Variants in IGF2R observed in about 807,000 individuals in gnomAD.
The protein encoded by IGF2R is cation-independent mannose-6-phosphate receptor.
In IGF2R, 91 loss-of-function variants were observed where a neutral mutation model predicts 270.6. The observed-to-expected ratio is 0.34, with a 90% CI of 0.28 to 0.40. IGF2R has a LOEUF of 0.40. Ranked by LOEUF, IGF2R falls within the 10% of genes least tolerant of loss-of-function variation. The pLI is 1.00. For missense variants in IGF2R, 2,805 were observed against 3,188.3 expected (o/e 0.88, Z 2.90); for synonymous variants, 1,316 against 1,258.9 (o/e 1.05, Z -0.96).
rs1474311779 is a variant in IGF2R, at chr6:160,073,406, C to T, written c.4884C>T (p.Ser1628=). The change falls in exon 34 of 48, where the codon TCC becomes TCT. Residue 1628 remains serine, a synonymous_variant. Coordinates refer to ENST00000356956, the MANE Select transcript of IGF2R (RefSeq NM_000876.4). ...CAACCAATAGGCCCATGCTCATCTC[C>T]CTGGACAAGCAGACATGCACTCTCT... ...ARPTNRPMLI[S]LDKQTCTLFF... 4 of 1,614,254 alleles carry T rather than the reference C, an allele frequency of 2.5e-6. No individual in the cohort carries two copies. The highest frequency in any genetic ancestry group is 3.4e-6 in the Non-Finnish European group (4 of 1,180,038).
chr6:160,016,115 G>GC lies in IGF2R; in HGVS notation c.513+5331dup, dbSNP rs1475266231. On this transcript the variant is annotated intron_variant, in intron 4 of 47. Coordinates refer to ENST00000356956, the MANE Select transcript of IGF2R (RefSeq NM_000876.4). ...ATACAGACTGCTTGGGACTGGGCTG[G>GC]CTTTTTTGGCCTGCTGCCAGCGATG... Among the ~76,000 whole-genome samples, 3 of 152,198 alleles carry GC rather than the reference G, an allele frequency of 2.0e-5. No homozygotes were observed. In the East Asian group the frequency reaches 5.8e-4, roughly 29 times the overall value.
At chr6:160,103,354 A>G (rs1779534593) in intron 46 of IGF2R, among the ~76,000 whole-genome samples, 1 of 150,688 alleles carries the variant, frequency 6.6e-6, no homozygotes, top group South Asian at 2.1e-4. Context: ...GTGGCCCTCT[A>G]CACCCAAAAT....
At position 160,073,872 on chromosome 6, in the gene IGF2R, C is replaced by T; in HGVS notation, c.5063C>T (p.Pro1688Leu). 1 of 1,614,150 alleles carries T rather than the reference C, an allele frequency of 6.2e-7. No homozygotes were observed. The highest frequency in any genetic ancestry group is 8.5e-7 in the Non-Finnish European group (1 of 1,179,984). Residue 1688 changes from proline (P) to leucine (L), a missense_variant, in exon 35 of 48, where the codon CCT (proline) becomes CTT (leucine). Pro to Leu is a moderately conservative substitution (Grantham distance 98). Around this residue, in one of 2 missense-constraint regions of IGF2R, gnomAD observed 1,851 missense variants for 2,207.2 expected, o/e 0.84. Coordinates refer to ENST00000356956, the MANE Select transcript of IGF2R (RefSeq NM_000876.4). The stretch of plus-strand genomic sequence containing the variant: ...GAGGATGATGCCTCCGATACCAACC[C>T]TGATTTCTACATCAATATTTGTCAG... ...ESEDDASDTN[P>L]DFYINICQPL...
At chr6:160,072,129 C>T in intron 32 of IGF2R, 93 bp downstream of exon 32, 1 of 1,538,726 alleles carries the variant, frequency 6.5e-7, no homozygotes, top group African/African-American at 1.4e-5. Flanking sequence ...CAAAGAGAAG[C>T]TATGGGCAGC....
intron 3 of IGF2R, 168 bp from the exon 4 acceptor site, chr6:160,010,518 CA>C (rs1784317103): frequency 1.9e-6 from 1 of 515,000 alleles, no homozygotes; most frequent in Non-Finnish European, 3.5e-6. Flanking sequence ...TCAGAATTTG[CA>C]GATTTGGGAA....
intron 44 of IGF2R, chr6:160,093,854 A>G (rs1779287021): frequency 2.7e-6 from 2 of 729,172 alleles, no homozygotes; most frequent in Admixed American, 1.8e-5. Context: ...TATCTCAGAT[A>G]AGCAGCTGGG....
At chr6:160,032,735 C>T (rs775367512) in intron 8 of IGF2R, 22 bp downstream of exon 8, 2 of 1,610,924 alleles carry the variant, frequency 1.2e-6, no homozygotes, top group South Asian at 1.1e-5. Context: ...CTTTCTGCCT[C>T]CTGGCGCTGC....
In IGF2R at chr6:160,111,276, C is replaced by G. The variant is rs1437335562; in HGVS notation, c.*6192C>G. 1.3e-5 allele frequency: 2 copies of G among 151,922 alleles called. No homozygotes were observed. Among genetic ancestry groups the G allele is most frequent in the African/African-American group, 2.4e-5 (1 of 41,320 alleles). The allele number at this position is 151,922 out of a possible 1,614,324, so 9.4% of individuals were successfully genotyped here. On this transcript the variant is annotated 3_prime_UTR_variant, in exon 48 of 48. Transcript: ENST00000356956. ...TAAAAGTTACACCCGATGCGTCAGC[C>G]CCTTCTTCTACCTCTTCCACCTCTG...
intron 19 of IGF2R, 24 bp from the exon 20 acceptor site, chr6:160,056,400 T>C: frequency 2.0e-6 from 3 of 1,518,466 alleles, no homozygotes; most frequent in Non-Finnish European, 2.7e-6. Context: ...TGTATTGACT[T>C]TTACCCTGGA....
intron 6 of IGF2R, among the ~76,000 whole-genome samples, chr6:160,028,499 G>A (rs1777615071): frequency 6.6e-6 from 1 of 152,206 alleles, no homozygotes; most frequent in African/African-American, 2.4e-5. Flanking sequence ...TTTGTGTGAC[G>A]ATTTAGTAAC....
At position 160,024,717 on chromosome 6, in the gene IGF2R, G is replaced by A; in HGVS notation, c.646+13G>A. On this transcript the variant is annotated intron_variant, in intron 5 of 47. Transcript: ENST00000356956. ...TGTAGAGACATAGGTATGAATCTTT[G>A]TGGGGCTGAGGGGGTGGTGGTGAGG... 6.2e-7 allele frequency: 1 copy of A among 1,613,540 alleles called. No individual in the cohort carries two copies. Among genetic ancestry groups the A allele is most frequent in the Non-Finnish European group, 8.5e-7 (1 of 1,179,602 alleles).
intron 19 of IGF2R, 43 bp from the exon 20 acceptor site, chr6:160,056,381 C>T: frequency 7.6e-7 from 1 of 1,309,116 alleles, no homozygotes; most frequent in Non-Finnish European, 1.1e-6. Context: ...CTATCAAGTT[C>T]CATGTTACTG....
rs1778443769 is a variant in IGF2R, at chr6:160,061,746, C to T, written c.3407-7C>T. 2 of 1,614,128 alleles carry T rather than the reference C, an allele frequency of 1.2e-6. No homozygotes were observed. The highest frequency in any genetic ancestry group is 1.7e-6 in the Non-Finnish European group (2 of 1,180,006). ...TCATGCCCAAACCACTTATTCTGTTCTTCCAGGCAGCGCAGTGGGGTCTTG... is the reference window on the plus strand; with the variant it reads ...TCATGCCCAAACCACTTATTCTGTTTTTCCAGGCAGCGCAGTGGGGTCTTG... On this transcript the variant is annotated splice_polypyrimidine_tract_variant and splice_region_variant and intron_variant, in intron 24 of 47. Transcript: ENST00000356956.
rs150153833 is a variant in IGF2R at position 160,105,170 on chromosome 6, A to G, written c.*86A>G. The stretch of plus-strand genomic sequence containing the variant: ...AAGACTTCCACTCGATGATGCTTCT[A>G]TAATTTTGCCTTTAACAGAAACTTT... On this transcript the variant is annotated 3_prime_UTR_variant, in exon 48 of 48. Coordinates refer to ENST00000356956, the MANE Select transcript of IGF2R (RefSeq NM_000876.4). The G allele has an allele frequency of 1.5e-5, 19 of 1,245,222 alleles. No individual in the cohort carries two copies. The highest frequency in any genetic ancestry group is 3.2e-5 in the South Asian group (2 of 62,618). The allele number at this position is 1,245,222 out of a possible 1,614,324, so 77.1% of individuals were successfully genotyped here.
rs1783720422 is a variant in IGF2R at position 159,977,994 on chromosome 6, G to T, written c.149+8599G>T. On this transcript the variant is annotated intron_variant, in intron 1 of 47. Coordinates refer to ENST00000356956, the MANE Select transcript of IGF2R (RefSeq NM_000876.4). ...TGGCACGTCCTCGGTGTTCATTGGTGCTGTAGTGGTAGCAGTTGCTTTATC... is the reference window on the plus strand; with the variant it reads ...TGGCACGTCCTCGGTGTTCATTGGTTCTGTAGTGGTAGCAGTTGCTTTATC... 3.3e-5 allele frequency among the ~76,000 whole-genome samples: 5 copies of T among 152,182 alleles called. No homozygotes were observed. The South Asian group carries it at 1.0e-3, about 32-fold the overall frequency.
At chr6:160,082,897 C>T (rs1028543361) in intron 39 of IGF2R, among the ~76,000 whole-genome samples, 6 of 152,204 alleles carry the variant, frequency 3.9e-5, no homozygotes, top group African/African-American at 9.7e-5. Context: ...GACATTCTCC[C>T]GCCTCTGCTC....
rs751709999 is a variant in IGF2R, at chr6:160,064,520, G to A, written c.4006G>A (p.Gly1336Ser). Residue 1336 changes from glycine (G) to serine (S), a missense_variant, in exon 28 of 48, where the codon GGC becomes AGC. This residue lies in a region of IGF2R where 1,851 missense variants were observed against 2,207.2 expected (regional missense o/e 0.84). Transcript: ENST00000356956. ...AGCCATCTTCTTCTACTGTGACCGC[G>A]GCACCCAGCGGGTGAGCATGTACCG... is the stretch of plus-strand genomic sequence containing the variant. ...STAIFFYCDRGTQRPVFLKET... is the reference protein window; with the variant it reads ...STAIFFYCDRSTQRPVFLKET... The A allele has an allele frequency of 1.9e-5, 30 of 1,613,966 alleles. No individual in the cohort carries two copies. In the Admixed American group the frequency reaches 2.5e-4, roughly 13 times the overall value.
intron 2 of IGF2R, chr6:160,003,924 T>C (rs1562339027): frequency 1.0e-5 from 1 of 99,952 alleles, no homozygotes; most frequent in African/African-American, 3.8e-5. Flanking sequence ...AGTAAAGACC[T>C]TGAGTTGAGG....
intron 44 of IGF2R, among the ~76,000 whole-genome samples, chr6:160,091,467 C>T (rs368217454): frequency 8.5e-5 from 13 of 152,198 alleles, no homozygotes; most frequent in Non-Finnish European, 1.5e-4. Flanking sequence ...GGGTCAGCAT[C>T]GCTGCTCCTG....
Sources: allele counts gnomAD v4.1 joint callset (sites outside exome capture counted in the v4.1 genomes callset), GRCh38; gene constraint gnomAD v4.1.1; regional missense constraint gnomAD v4.1.1; transcripts MANE v1.5; gene names NCBI Gene and HGNC (gene_info 2026-07-23, HGNC 2026-07-21).